Variants in PFKFB3 observed in about 807,000 individuals in gnomAD.
The protein encoded by PFKFB3 is 6-phosphofructo-2-kinase/fructose-2,6-bisphosphatase 3.
A neutral mutation model predicts 68.0 loss-of-function variants in PFKFB3; 33 were observed. The observed-to-expected ratio is 0.49, with a 90% confidence interval of 0.37 to 0.65. The LOEUF is 0.65. Ranked by LOEUF, PFKFB3 falls within the 30% of genes least tolerant of loss-of-function variation. The pLI is 0.00. For synonymous variants in PFKFB3, 315 were observed against 288.2 expected, an observed-to-expected ratio of 1.09 and a Z score of -0.94; for missense variants, 586 against 712.2, an observed-to-expected ratio of 0.82 and a Z score of 2.02.
chr10:6,225,033 A>C (rs1262482985), intron 13 of PFKFB3: 2 of 438,686 alleles, frequency 4.6e-6, no homozygotes, highest in African/African-American at 4.0e-5. Context: ...CTGGCCGTGC[A>C]GCTGCTGTCT....
At chr10:6,219,717 C>G in intron 7 of PFKFB3, 24 bp downstream of exon 7, 3 of 1,610,700 alleles carry the variant, frequency 1.9e-6, no homozygotes, top group Non-Finnish European at 2.5e-6. Context: ...CTGGCCGTCT[C>G]TGCAAGACCC....
rs368158883 is a variant in PFKFB3 at position 6,206,518 on chromosome 10, A to C, written c.76+3182A>C. 8.3e-3 allele frequency among the ~76,000 whole-genome samples: 921 copies of C among 111,168 alleles called. 5 individuals carry two copies. Among genetic ancestry groups the C allele is most frequent in the African/African-American group, 0.014 (334 of 23,038 alleles). 72.9% of individuals were successfully genotyped at this position (111,168 alleles called of 152,430 possible). Reference sequence around the variant, plus strand: ...CGGGCAGAGGGGCTCCTCACTTCCCAGTAGGGGCGGCCGGGCAGAGGCGCC... The same window carrying C: ...CGGGCAGAGGGGCTCCTCACTTCCCCGTAGGGGCGGCCGGGCAGAGGCGCC... On this transcript the variant is annotated intron_variant, in intron 1 of 14. Transcript: ENST00000379775.
downstream of PFKFB3, among the ~76,000 whole-genome samples, chr10:6,239,965 T>A (rs1846104273): frequency 6.6e-6 from 1 of 152,196 alleles, no homozygotes; most frequent in African/African-American, 2.4e-5. Context: ...TGAGCCACCG[T>A]GCCTGACAAT....
chr10:6,158,869 CA>C (rs201959006), intron 1 of PFKFB3, among the ~76,000 whole-genome samples: 205 of 134,752 alleles, frequency 1.5e-3, no homozygotes, highest in Non-Finnish European at 1.3e-3. Flanking sequence ...GACTCCATCT[CA>C]AAAAAAAAAA....
the PFKFB3 span, among the ~76,000 whole-genome samples, chr10:6,285,789 C>T: frequency 2.6e-5 from 4 of 152,044 alleles, no homozygotes; most frequent in Admixed American, 6.6e-5. Context: ...TTAGATACCT[C>T]GTGTAAGTGG....
intron 1 of PFKFB3, among the ~76,000 whole-genome samples, chr10:6,160,342 G>A (rs1248711610): frequency 6.6e-6 from 1 of 152,040 alleles, no homozygotes. Flanking sequence ...GAGATGAGGC[G>A]AGGACTGTGA....
At chr10:6,150,705 G>C (rs1260445355) in intron 1 of PFKFB3, among the ~76,000 whole-genome samples, 2 of 151,830 alleles carry the variant, frequency 1.3e-5, no homozygotes, top group African/African-American at 2.4e-5. Flanking sequence ...TTAAAATAAA[G>C]ACAATACCCA....
At chr10:6,227,897 A>G (rs1048806381) in intron 14 of PFKFB3, among the ~76,000 whole-genome samples, 1 of 151,976 alleles carries the variant, frequency 6.6e-6, no homozygotes, top group Non-Finnish European at 1.5e-5. Context: ...GGAAATGTGC[A>G]GTTGTATTTG....
chr10:6,199,419 G>C (rs1843258811), upstream of PFKFB3, among the ~76,000 whole-genome samples: 1 of 152,014 alleles, frequency 6.6e-6, no homozygotes. Flanking sequence ...CCACTCCACT[G>C]TCCTCTCAAG....
chr10:6,291,957 T>G, the PFKFB3 span, among the ~76,000 whole-genome samples: 1 of 145,766 alleles, frequency 6.9e-6, no homozygotes, highest in Non-Finnish European at 1.5e-5. Flanking sequence ...TTTTTTTTTT[T>G]TTTTTTTTTT....
chr10:6,324,820 GAAA>G, the PFKFB3 span, among the ~76,000 whole-genome samples: 1 of 143,196 alleles, frequency 7.0e-6, no homozygotes, highest in African/African-American at 2.6e-5. Context: ...CAATTTAAAG[GAAA>G]AAAAAAAAGA....
At chr10:6,225,283 AT>A in intron 13 of PFKFB3, 1 of 448,840 alleles carries the variant, frequency 2.2e-6, no homozygotes, top group Admixed American at 2.4e-5. Flanking sequence ...TGGCCTTCGG[AT>A]TTTGGCATGA....
At chr10:6,307,134 C>T in the PFKFB3 span, among the ~76,000 whole-genome samples, 1 of 152,148 alleles carries the variant, frequency 6.6e-6, no homozygotes, top group South Asian at 2.1e-4. Flanking sequence ...AGGCTCCATC[C>T]ACAGCATCAG....
chr10:6,309,304 C>A, the PFKFB3 span, among the ~76,000 whole-genome samples: 1 of 152,128 alleles, frequency 6.6e-6, no homozygotes, highest in Non-Finnish European at 1.5e-5. Context: ...TGGCTGACGC[C>A]TATAATCTCA....
chr10:6,302,167 G>A, the PFKFB3 span, among the ~76,000 whole-genome samples: 2 of 150,784 alleles, frequency 1.3e-5, no homozygotes, highest in Non-Finnish European at 2.9e-5. Context: ...CGATTCTCCT[G>A]CCTCAGCCTC....
intron 1 of PFKFB3, among the ~76,000 whole-genome samples, chr10:6,183,614 A>AAAAAAAATAT (rs1242752213): frequency 7.5e-5 from 7 of 93,942 alleles, no homozygotes; most frequent in African/African-American, 2.0e-4. Flanking sequence ...AAAAAAAAAA[A>AAAAAAAATAT]ATATATATAT....
the PFKFB3 span, among the ~76,000 whole-genome samples, chr10:6,265,828 C>A: frequency 6.6e-6 from 1 of 152,166 alleles, no homozygotes; most frequent in African/African-American, 2.4e-5. Flanking sequence ...AGCTCCACCC[C>A]CTCCTTCTGT....
intron 1 of PFKFB3, among the ~76,000 whole-genome samples, chr10:6,193,239 T>C (rs1480691376): frequency 6.6e-6 from 1 of 152,114 alleles, no homozygotes; most frequent in Non-Finnish European, 1.5e-5. Flanking sequence ...TAATCCCAGA[T>C]ACTCGGGAGG....
chr10:6,202,773 GC>G, upstream of PFKFB3: 1 of 634,840 alleles, frequency 1.6e-6, no homozygotes, highest in Non-Finnish European at 2.0e-6. Context: ...GCCGTCGCCG[GC>G]CCGCAGGGGG....
Sources: allele counts gnomAD v4.1 joint callset (sites outside exome capture counted in the v4.1 genomes callset), GRCh38; gene constraint gnomAD v4.1.1; transcripts MANE v1.5; gene names NCBI Gene and HGNC (gene_info 2026-07-23, HGNC 2026-07-21).